The following SCAI variants were observed in gnomAD, a reference collection of about 807,000 sequenced individuals.
SCAI encodes the protein suppressor of cancer cell invasion, also known as protein SCAI.
A neutral mutation model predicts 92.2 loss-of-function variants in SCAI; 24 were observed. That is an observed-to-expected ratio of 0.26 (90% confidence interval 0.19 to 0.37). The LOEUF is 0.37. Ranked by LOEUF, SCAI falls within the 10% of genes least tolerant of loss-of-function variation. The pLI is 1.00. For missense variants in SCAI, 450 were observed against 736.2 expected, an observed-to-expected ratio of 0.61 and a Z score of 4.50; for synonymous variants, 261 against 258.6, an observed-to-expected ratio of 1.01 and a Z score of -0.09.
intron 2 of SCAI, among the ~76,000 whole-genome samples, chr9:125,119,939 A>G (rs1835124670): frequency 1.3e-5 from 2 of 152,298 alleles, no homozygotes; most frequent in East Asian, 1.9e-4. Context: ...GGCTCCTCAC[A>G]TAGTAGCCAG....
intron 2 of SCAI, among the ~76,000 whole-genome samples, chr9:125,125,877 T>G (rs1302522052): frequency 3.1e-5 from 4 of 127,336 alleles, no homozygotes; most frequent in South Asian, 2.7e-4. Flanking sequence ...CACACACACA[T>G]ATTCTCTCTC....
chr9:124,970,255 C>T (rs901627480), intron 17 of SCAI, among the ~76,000 whole-genome samples: 1 of 152,116 alleles, frequency 6.6e-6, no homozygotes, highest in Non-Finnish European at 1.5e-5. Flanking sequence ...TAGTGTTGCA[C>T]AGTCAAACAA....
intron 9 of SCAI, among the ~76,000 whole-genome samples, chr9:125,016,270 C>G (rs1470029201): frequency 6.7e-6 from 1 of 150,236 alleles, no homozygotes; most frequent in East Asian, 1.9e-4. Context: ...CACCTGTAGT[C>G]CCATCTACTA....
At chr9:125,108,674 G>C (rs1356515540) in intron 2 of SCAI, among the ~76,000 whole-genome samples, 6 of 145,410 alleles carry the variant, frequency 4.1e-5, no homozygotes, top group African/African-American at 1.0e-4. Flanking sequence ...CCCTCCGCCC[G>C]GCAGCCGCCC....
intron 2 of SCAI, among the ~76,000 whole-genome samples, chr9:125,080,470 C>T (rs890868499): frequency 1.3e-5 from 2 of 152,080 alleles, no homozygotes; most frequent in Non-Finnish European, 2.9e-5. Flanking sequence ...CTTTCCCCTA[C>T]CCAGTGATTA....
intron 2 of SCAI, among the ~76,000 whole-genome samples, chr9:125,110,785 C>A (rs1256187167): frequency 6.6e-6 from 1 of 152,110 alleles, no homozygotes; most frequent in Non-Finnish European, 1.5e-5. Flanking sequence ...TCAGTTATTT[C>A]TATATAGCAG....
At position 125,018,828 on chromosome 9, in the gene SCAI, C is replaced by T. The variant is rs369558159; in HGVS notation, c.832G>A (p.Ala278Thr). ...TTATTACAATTACCAATAATGAGTG[C>T]GTCAGCCAGAGACAACTGTCCCACA... Reference protein sequence around the residue: ...MIVGQLSLADALIIGNCNNQV... With the variant: ...MIVGQLSLADTLIIGNCNNQV... Residue 278 changes from alanine (A) to threonine (T), a missense_variant, in exon 9 of 18, where the codon GCA becomes ACA. Ala to Thr is a moderately conservative substitution (Grantham distance 58). This residue lies in a region of SCAI where 360 missense variants were observed against 601.8 expected (regional missense o/e 0.60). Transcript: ENST00000336505. The T allele has an allele frequency of 5.6e-6, 9 of 1,611,930 alleles. No homozygotes were observed. The highest frequency in any genetic ancestry group is 3.4e-5 in the Admixed American group (2 of 59,394).
At chr9:125,026,936 T>C (rs755184013) in intron 5 of SCAI, 26 bp from the exon 6 acceptor site, 5 of 1,350,792 alleles carry the variant, frequency 3.7e-6, no homozygotes, top group Non-Finnish European at 5.3e-6. Context: ...TATTTTTAAA[T>C]ATGACAGTGT....
At chr9:125,075,962 T>C (rs2131171700) in intron 2 of SCAI, among the ~76,000 whole-genome samples, 1 of 152,264 alleles carries the variant, frequency 6.6e-6, no homozygotes, top group East Asian at 1.9e-4. Context: ...CCTCCCAAAG[T>C]GCTGGGATTG....
At chr9:124,980,945 A>G (rs60006511) in intron 14 of SCAI, among the ~76,000 whole-genome samples, 1 of 152,152 alleles carries the variant, frequency 6.6e-6, no homozygotes, top group Admixed American at 6.6e-5. Context: ...CCTGAGAAAT[A>G]GTTTCTTTAA....
chr9:125,104,957 CAAAAAA>C (rs201424630), intron 2 of SCAI, among the ~76,000 whole-genome samples: 1 of 95,848 alleles, frequency 1.0e-5, no homozygotes. Context: ...GACCCTGTCT[CAAAAAA>C]AAAAAAAAAA....
intron 14 of SCAI, among the ~76,000 whole-genome samples, chr9:124,988,511 A>G (rs757782015): frequency 6.6e-6 from 1 of 152,168 alleles, no homozygotes; most frequent in African/African-American, 2.4e-5. Context: ...ATAATTATAT[A>G]TATATGTGCA....
Position 124,948,039 on chromosome 9 carries a change from A to G in SCAI, c.*4768T>C, listed in dbSNP as rs1389920130. The stretch of plus-strand genomic sequence containing the variant: ...GAGACAGAAAGTTACTATATCACAC[A>G]TGTCAGAGATTAAACTTGGAGGAGA... On this transcript the variant is annotated 3_prime_UTR_variant, in exon 18 of 18. Transcript: ENST00000336505. 6.6e-6 allele frequency: 1 copy of G among 152,092 alleles called. No individual in the cohort carries two copies. The highest frequency in any genetic ancestry group is 1.5e-5 in the Non-Finnish European group (1 of 68,030). 9.4% of individuals were successfully genotyped at this position (152,092 alleles called of 1,614,324 possible). A position where few individuals can be genotyped will look rare whatever the true frequency, so the allele number is the denominator to read the frequency against.
intron 2 of SCAI, among the ~76,000 whole-genome samples, chr9:125,141,272 C>T (rs1033260583): frequency 2.6e-5 from 4 of 152,198 alleles, no homozygotes; most frequent in Non-Finnish European, 4.4e-5. Context: ...GACAAGGAAA[C>T]TCTGTTGGCA....
intron 4 of SCAI, 29 bp downstream of exon 4, chr9:125,029,615 A>G (rs1222678044): frequency 2.1e-6 from 3 of 1,420,766 alleles, no homozygotes; most frequent in Admixed American, 1.7e-5. Context: ...ACAGGCCTTC[A>G]CTCTCCTTTA....
At chr9:125,123,581 C>T (rs919741252) in intron 2 of SCAI, among the ~76,000 whole-genome samples, 1 of 152,108 alleles carries the variant, frequency 6.6e-6, no homozygotes, top group South Asian at 2.1e-4. Flanking sequence ...TCGAGAACAT[C>T]CTAGCTAACA....
intron 3 of SCAI, among the ~76,000 whole-genome samples, chr9:125,046,018 G>C (rs561891200): frequency 1.7e-4 from 26 of 151,182 alleles, no homozygotes; most frequent in African/African-American, 6.3e-4. Flanking sequence ...ATGACTAAAA[G>C]TAAAACTACC....
chr9:125,135,991 A>C (rs1371756760), intron 2 of SCAI, among the ~76,000 whole-genome samples: 2 of 151,860 alleles, frequency 1.3e-5, no homozygotes, highest in Non-Finnish European at 2.9e-5. Flanking sequence ...AAAAACAAAA[A>C]AAAAACCATA....
At chr9:125,107,130 G>C (rs1376948728) in intron 2 of SCAI, among the ~76,000 whole-genome samples, 1 of 151,922 alleles carries the variant, frequency 6.6e-6, no homozygotes, top group Non-Finnish European at 1.5e-5. Flanking sequence ...AATACAACAG[G>C]CTGGGCACAG....
Sources: allele counts gnomAD v4.1 joint callset (sites outside exome capture counted in the v4.1 genomes callset), GRCh38; gene constraint gnomAD v4.1.1; regional missense constraint gnomAD v4.1.1; transcripts MANE v1.5; gene names NCBI Gene and HGNC (gene_info 2026-07-23, HGNC 2026-07-21).